Variants in SMIM8 observed in about 807,000 individuals in gnomAD.
SMIM8 encodes small integral membrane protein 8, also known as UPF0708 protein C6orf162.
Under a neutral mutation model 8.1 loss-of-function variants are expected in SMIM8, and 8 were observed. The observed-to-expected ratio is 0.99, with a 90% CI of 0.58 to 1.78. SMIM8 has a LOEUF of 1.78. Among genes scored for constraint, SMIM8 ranks in the 40% most tolerant of loss-of-function variants. The probability of loss-of-function intolerance (pLI) is 0.00; values close to 1 mark genes in which losing one functional copy is unlikely to be tolerated. For synonymous variants in SMIM8, 45 were observed against 39.7 expected (o/e 1.13, Z -0.50); for missense variants, 126 against 119.8 (o/e 1.05, Z -0.24).
At chr6:87,336,937 G>T in intron 2 of SMIM8, 72 bp from the exon 3 acceptor site, 1 of 1,254,366 alleles carries the variant, frequency 8.0e-7, no homozygotes, top group Non-Finnish European at 1.1e-6. Context: ...AGGAATTTAA[G>T]AATTACTTTT....
At position 87,333,524 on chromosome 6, in the gene SMIM8, C is replaced by T. The variant is rs118093883; in HGVS notation, c.-24+2812C>T. The stretch of plus-strand genomic sequence containing the variant: ...TTCTAAATACCTTTATAAACACCAT[C>T]GTGGCTAAGAGAAGAAAAATGAAAC... On this transcript the variant is annotated intron_variant, in intron 2 of 3. Coordinates refer to ENST00000392863, the MANE Select transcript of SMIM8 (RefSeq NM_001042493.3). 9.3e-3 allele frequency among the ~76,000 whole-genome samples: 1,412 copies of T among 152,152 alleles called. 5 individuals are homozygous for T. The highest frequency in any genetic ancestry group is 0.017 in the African/African-American group (686 of 41,512).
At chr6:87,339,440 G>T (rs59891768) in intron 3 of SMIM8, among the ~76,000 whole-genome samples, 6,644 of 47,490 alleles carry the variant, frequency 0.14, 297 homozygotes, top group African/African-American at 0.28. Context: ...GTGTGTTTGT[G>T]TGTGTGTGTG....
chr6:87,330,526 A>G (rs1229503191), intron 1 of SMIM8, among the ~76,000 whole-genome samples, 166 bp from the exon 2 acceptor site: 2 of 150,486 alleles, frequency 1.3e-5, no homozygotes, highest in African/African-American at 4.9e-5. Context: ...ACTAGTCCTG[A>G]CTCTCGGTGT....
At chr6:87,328,346 A>C (rs1412385962) in intron 1 of SMIM8, among the ~76,000 whole-genome samples, 1 of 151,992 alleles carries the variant, frequency 6.6e-6, no homozygotes, top group African/African-American at 2.4e-5. Context: ...TAGAGTTTCC[A>C]GTTTTTCTGC....
intron 1 of SMIM8, among the ~76,000 whole-genome samples, chr6:87,329,792 C>A (rs530460403): frequency 6.6e-6 from 1 of 152,062 alleles, no homozygotes; most frequent in Non-Finnish European, 1.5e-5. Flanking sequence ...TGATCGCACC[C>A]TCCTGGTAAG....
rs1400001146 is a variant in SMIM8 at position 87,341,592 on chromosome 6, TAAC to T, written c.*1320_*1322del. ...CGCTATTAATATTACCAAGTAATAA[TAAC>T]AGCACAGGCAGAGTTTATCATAATG... On this transcript the variant is annotated 3_prime_UTR_variant, in exon 4 of 4. Coordinates refer to ENST00000392863, the MANE Select transcript of SMIM8 (RefSeq NM_001042493.3). 3.3e-6 allele frequency: 1 copy of T among 306,628 alleles called. No individual in the cohort carries two copies. 19.0% of individuals were successfully genotyped at this position (306,628 alleles called of 1,614,324 possible).
At chr6:87,327,127 T>G (rs1190831683) in intron 1 of SMIM8, among the ~76,000 whole-genome samples, 4 of 151,714 alleles carry the variant, frequency 2.6e-5, no homozygotes, top group Non-Finnish European at 5.9e-5. Flanking sequence ...TTGGTAGATG[T>G]TCCTCCATCC....
At chr6:87,337,642 T>G (rs1042436237) in intron 3 of SMIM8, among the ~76,000 whole-genome samples, 1 of 152,210 alleles carries the variant, frequency 6.6e-6, no homozygotes, top group Non-Finnish European at 1.5e-5. Flanking sequence ...TTTGATGATA[T>G]TCATTTATTT....
At chr6:87,331,554 G>A (rs1776995204) in intron 2 of SMIM8, among the ~76,000 whole-genome samples, 1 of 152,136 alleles carries the variant, frequency 6.6e-6, no homozygotes, top group South Asian at 2.1e-4. Context: ...CTGTGGGCTG[G>A]CATGTGAACA....
At position 87,338,579 on chromosome 6, in the gene SMIM8, A is replaced by G. The variant is rs1303770956; in HGVS notation, c.135+1413A>G. Among the ~76,000 whole-genome samples the G allele has an allele frequency of 3.3e-5, 5 of 152,354 alleles. No homozygotes were observed. The East Asian group carries it at 9.6e-4, about 29-fold the overall frequency. Reference sequence around the variant, plus strand: ...TTGGTTGTGTCAGTCCAGAGCCCACATAACAAGGGCTTCAAAATTATTACT... The same window carrying G: ...TTGGTTGTGTCAGTCCAGAGCCCACGTAACAAGGGCTTCAAAATTATTACT... On this transcript the variant is annotated intron_variant, in intron 3 of 3. Transcript: ENST00000392863.
chr6:87,339,457 TGTGTG>T (rs1257445323), intron 3 of SMIM8, among the ~76,000 whole-genome samples: 5 of 151,568 alleles, frequency 3.3e-5, no homozygotes, highest in African/African-American at 4.9e-5. Flanking sequence ...TGTGTGTGTG[TGTGTG>T]TTTTAACCTG....
At position 87,337,077 on chromosome 6, in the gene SMIM8, A is replaced by G; in HGVS notation, c.46A>G (p.Lys16Glu). The G allele has an allele frequency of 6.2e-7, 1 of 1,613,190 alleles. No homozygotes were observed. Among genetic ancestry groups the G allele is most frequent in the Non-Finnish European group, 8.5e-7 (1 of 1,179,450 alleles). The change falls in exon 3 of 4, where the codon AAA (lysine) becomes GAA (glutamate). Residue 16 changes from lysine to glutamate, a missense_variant. Transcript: ENST00000392863. ...TCCAACATTCAAAAAGGAACCACCC[A>G]AAGAGAAAGAGTTTCAAAGCCCAGG... The part of the protein sequence containing the change: ...EPPTFKKEPP[K>E]EKEFQSPGLR...
At chr6:87,332,882 ATTTTC>A (rs1777024454) in intron 2 of SMIM8, among the ~76,000 whole-genome samples, 2 of 152,216 alleles carry the variant, frequency 1.3e-5, no homozygotes, top group African/African-American at 4.8e-5. Context: ...GCCATGGGCT[ATTTTC>A]TTCCTAATGT....
rs186695178 is a variant in SMIM8 at position 87,325,966 on chromosome 6, G to C, written c.-45+3334G>C. ...AGCTCCTGTTATTGGTCTATTAAGA[G>C]ATTCAACTTCTTCCTAGTTTAGTCT... On this transcript the variant is annotated intron_variant, in intron 1 of 3. Coordinates refer to ENST00000392863, the MANE Select transcript of SMIM8 (RefSeq NM_001042493.3). Among the ~76,000 whole-genome samples, 591 of 152,300 alleles carry C rather than the reference G, an allele frequency of 3.9e-3. 1 individual carries two copies. Among genetic ancestry groups the C allele is most frequent in the African/African-American group, 0.014 (566 of 41,550 alleles).
At position 87,337,081 on chromosome 6, in the gene SMIM8, A is replaced by G; in HGVS notation, c.50A>G (p.Glu17Gly). The G allele has an allele frequency of 6.2e-7, 1 of 1,613,300 alleles. No individual in the cohort carries two copies. Among genetic ancestry groups the G allele is most frequent in the Middle Eastern group, 1.7e-4 (1 of 6,058 alleles). The change falls in exon 3 of 4, where the codon GAG (glutamate) becomes GGG (glycine). Residue 17 changes from glutamate (E) to glycine (G), a missense_variant. Coordinates refer to ENST00000392863, the MANE Select transcript of SMIM8 (RefSeq NM_001042493.3). ...PPTFKKEPPK[E>G]KEFQSPGLRG... is the part of the protein sequence containing the mutation. ...ACATTCAAAAAGGAACCACCCAAAGAGAAAGAGTTTCAAAGCCCAGGGCTC... is the reference window on the plus strand; with the variant it reads ...ACATTCAAAAAGGAACCACCCAAAGGGAAAGAGTTTCAAAGCCCAGGGCTC...
At chr6:87,325,696 A>G (rs1357046593) in intron 1 of SMIM8, among the ~76,000 whole-genome samples, 1 of 152,022 alleles carries the variant, frequency 6.6e-6, no homozygotes, top group Non-Finnish European at 1.5e-5. Context: ...TTTTGCATCA[A>G]TGTTCATCAA....
At chr6:87,338,277 A>G (rs1015649155) in intron 3 of SMIM8, among the ~76,000 whole-genome samples, 1 of 152,232 alleles carries the variant, frequency 6.6e-6, no homozygotes, top group Non-Finnish European at 1.5e-5. Context: ...AACTGAGGCA[A>G]ATTAATATAG....
chr6:87,335,441 G>A (rs1562224304), intron 2 of SMIM8, among the ~76,000 whole-genome samples: 1 of 152,294 alleles, frequency 6.6e-6, no homozygotes, highest in East Asian at 1.9e-4. Context: ...ATCATGATAT[G>A]CATGAGGAAT....
intron 3 of SMIM8, among the ~76,000 whole-genome samples, chr6:87,339,333 TG>T (rs1777172142): frequency 4.9e-5 from 2 of 41,128 alleles, no homozygotes; most frequent in African/African-American, 1.5e-4. Context: ...AGCGTGTGTG[TG>T]TGTGTGTGTG....
Sources: gnomAD v4.1 joint callset for allele counts (sites outside exome capture counted in the v4.1 genomes callset) on GRCh38, gnomAD v4.1.1 for gene constraint, MANE v1.5 for transcripts, NCBI Gene and HGNC (gene_info 2026-07-23, HGNC 2026-07-21) for gene names.